Variants in ZC3H18 observed in about 807,000 individuals in gnomAD.
The protein encoded by ZC3H18 is zinc finger CCCH-type containing 18, also known as zinc finger CCCH domain-containing protein 18.
A neutral mutation model predicts 106.1 loss-of-function variants in ZC3H18; 8 were observed. That is an observed-to-expected ratio of 0.08 (90% confidence interval 0.04 to 0.14). ZC3H18 has a LOEUF of 0.14. Ranked by LOEUF, ZC3H18 falls within the 10% of genes least tolerant of loss-of-function variation. The pLI, the probability that ZC3H18 is intolerant of heterozygous loss-of-function variation, is 1.00. For missense variants in ZC3H18, 1,318 were observed against 1,278.4 expected, an observed-to-expected ratio of 1.03 and a Z score of -0.47; for synonymous variants, 635 against 522.1, an observed-to-expected ratio of 1.22 and a Z score of -2.95.
rs562706352 is a variant in ZC3H18, at chr16:88,577,149, G to A, written c.26G>A (p.Arg9Gln). ...ATGGATGTGGCCGAGAGCCCTGAAC[G>A]GGATCCTCACTCTCCAGAGGATGAA... MDVAESPE[R>Q]DPHSPEDEEQ... The change falls in exon 2 of 18, where the codon CGG becomes CAG. Residue 9 changes from arginine (R) to glutamine (Q), a missense_variant. Arg to Gln is a conservative substitution (Grantham distance 43). Transcript: ENST00000301011. 4.4e-6 allele frequency: 7 copies of A among 1,574,814 alleles called. No individual in the cohort carries two copies. The highest frequency in any genetic ancestry group is 1.8e-5 in the Admixed American group (1 of 55,230).
At chr16:88,602,101 G>T (rs182973996) in intron 6 of ZC3H18, among the ~76,000 whole-genome samples, 227 of 152,322 alleles carry the variant, frequency 1.5e-3, no homozygotes, top group African/African-American at 5.1e-3. Flanking sequence ...GGTGCGTGCT[G>T]TTGGCAGGAG....
rs1043147901 is a variant in ZC3H18 at position 88,622,154 on chromosome 16, G to T, written c.1476-43G>T. 4 of 1,578,270 alleles carry T rather than the reference G, an allele frequency of 2.5e-6. No individual in the cohort carries two copies. In the African/African-American group the frequency reaches 5.4e-5, roughly 21 times the overall value. On this transcript the variant is annotated intron_variant, in intron 8 of 17. Coordinates refer to ENST00000301011, the MANE Select transcript of ZC3H18 (RefSeq NM_144604.4). Reference sequence around the variant, plus strand: ...CTGTCACACCTGGCATTGCTGTGAAGCGGAAGGTGGCCTGAGAGTTGCTAA... The same window carrying T: ...CTGTCACACCTGGCATTGCTGTGAATCGGAAGGTGGCCTGAGAGTTGCTAA...
chr16:88,624,536 A>C (rs965484120), intron 11 of ZC3H18, 66 bp from the exon 12 acceptor site: 34 of 1,610,190 alleles, frequency 2.1e-5, no homozygotes, highest in Non-Finnish European at 2.2e-5. Flanking sequence ...GTCCATTGAA[A>C]GGGGATGTAG....
intron 2 of ZC3H18, among the ~76,000 whole-genome samples, chr16:88,580,808 G>A (rs905065430): frequency 5.9e-5 from 9 of 152,186 alleles, no homozygotes; most frequent in Non-Finnish European, 1.3e-4. Flanking sequence ...CAGCCTCTGC[G>A]TGTGGTGCAA....
At chr16:88,623,097 A>G in intron 9 of ZC3H18, 122 bp from the exon 10 acceptor site, 3 of 1,411,768 alleles carry the variant, frequency 2.1e-6, no homozygotes, top group Non-Finnish European at 9.5e-7. Context: ...GCGCGTGCGC[A>G]GCTGTGCGCT....
intron 3 of ZC3H18, among the ~76,000 whole-genome samples, chr16:88,590,564 C>CTTTTCTT (rs763732510): frequency 9.9e-6 from 1 of 100,672 alleles, no homozygotes; most frequent in Non-Finnish European, 1.9e-5. Context: ...TTCTTTATTT[C>CTTTTCTT]TTTTTTTTTT....
At chr16:88,601,960 G>A (rs1367335155) in intron 6 of ZC3H18, among the ~76,000 whole-genome samples, 2 of 152,202 alleles carry the variant, frequency 1.3e-5, no homozygotes, top group Admixed American at 6.5e-5. Context: ...GTCACAAAGA[G>A]CATCTAAGGG....
At position 88,577,601 on chromosome 16, in the gene ZC3H18, G is replaced by A. The variant is rs200378104; in HGVS notation, c.478G>A (p.Glu160Lys). ...GGCTGAGGATGATGAGGAGAAAGGC[G>A]AAGGCACTCCCAGGGAGGAGGGGAA... ...AGAEDDEEKG[E>K]GTPREEGKAG... Residue 160 changes from glutamate to lysine, a missense_variant, in exon 2 of 18, where the codon GAA (glutamate) becomes AAA (lysine). Coordinates refer to ENST00000301011, the MANE Select transcript of ZC3H18 (RefSeq NM_144604.4). The A allele has an allele frequency of 1.2e-5, 19 of 1,613,814 alleles. No homozygotes were observed. Among genetic ancestry groups the A allele is most frequent in the South Asian group, 8.8e-5 (8 of 91,070 alleles).
chr16:88,571,274 C>G (rs574522825), intron 1 of ZC3H18, among the ~76,000 whole-genome samples: 1 of 152,320 alleles, frequency 6.6e-6, no homozygotes, highest in South Asian at 2.1e-4. Context: ...TTTGTTCGAA[C>G]AACGCTAACT....
At chr16:88,575,578 C>A (rs1914697608) in intron 1 of ZC3H18, among the ~76,000 whole-genome samples, 1 of 152,060 alleles carries the variant, frequency 6.6e-6, no homozygotes, top group Non-Finnish European at 1.5e-5. Context: ...GTCTTAACAC[C>A]GTCCACTTTT....
Position 88,586,635 on chromosome 16 carries a change from C to A in ZC3H18, c.639C>A (p.Pro213=). 6.2e-7 allele frequency: 1 copy of A among 1,614,182 alleles called. No individual in the cohort carries two copies. The highest frequency in any genetic ancestry group is 2.2e-5 in the East Asian group (1 of 44,886). ...TGGAAGAAGGTGAAGTGAAGGACCC[C>A]AGTGACAGGAAGGTGAGGCCTCGTC... ...DDLEEGEVKD[P]SDRKVRPRPT... The change falls in exon 3 of 18, where the codon CCC becomes CCA. Residue 213 remains proline (P), a synonymous_variant. Coordinates refer to ENST00000301011, the MANE Select transcript of ZC3H18 (RefSeq NM_144604.4).
chr16:88,591,891 G>A (rs889162145), intron 3 of ZC3H18, among the ~76,000 whole-genome samples: 1 of 152,180 alleles, frequency 6.6e-6, no homozygotes, highest in Non-Finnish European at 1.5e-5. Flanking sequence ...CTGATGACCT[G>A]GTGGTTGTGT....
intron 1 of ZC3H18, among the ~76,000 whole-genome samples, chr16:88,574,503 CT>C (rs1914615813): frequency 1.3e-5 from 2 of 151,650 alleles, no homozygotes; most frequent in South Asian, 4.2e-4. Context: ...GCCACCACGC[CT>C]GGCCAGATTT....
intron 7 of ZC3H18, among the ~76,000 whole-genome samples, chr16:88,610,685 C>T (rs954470753): frequency 2.0e-5 from 3 of 152,158 alleles, no homozygotes; most frequent in Non-Finnish European, 4.4e-5. Flanking sequence ...TGAGTAAGAG[C>T]AGAGGAAAAG....
At chr16:88,621,013 C>T (rs1234043338) in intron 8 of ZC3H18, among the ~76,000 whole-genome samples, 3 of 151,790 alleles carry the variant, frequency 2.0e-5, no homozygotes, top group Admixed American at 1.3e-4. Flanking sequence ...ATTACAGGCA[C>T]GTGTTACCAC....
chr16:88,582,638 A>T (rs1255564971), intron 2 of ZC3H18, among the ~76,000 whole-genome samples: 2 of 152,158 alleles, frequency 1.3e-5, no homozygotes, highest in Non-Finnish European at 2.9e-5. Context: ...CACACTTGGA[A>T]AAAGGGCCCC....
At chr16:88,595,123 C>T (rs989456003) in intron 3 of ZC3H18, among the ~76,000 whole-genome samples, 55 of 152,286 alleles carry the variant, frequency 3.6e-4, no homozygotes, top group African/African-American at 1.2e-3. Flanking sequence ...TGCACTCCAG[C>T]CTGGGCAACA....
At position 88,605,041 on chromosome 16, in the gene ZC3H18, G is replaced by A. The variant is rs77534396; in HGVS notation, c.1089-3893G>A. Among the ~76,000 whole-genome samples, 391 of 152,350 alleles carry A rather than the reference G, an allele frequency of 2.6e-3. 1 individual carries two copies. Among genetic ancestry groups the A allele is most frequent in the African/African-American group, 8.8e-3 (364 of 41,570 alleles). ...GCTGGGATACAGAGGAAACAGAACA[G>A]TAATTTTCAAAAAGCACACTCCCTT... On this transcript the variant is annotated intron_variant, in intron 6 of 17. Transcript: ENST00000301011.
At chr16:88,630,303 C>T (rs537249717) in intron 16 of ZC3H18, 182 bp from the exon 17 acceptor site, 2 of 549,330 alleles carry the variant, frequency 3.6e-6, no homozygotes, top group African/African-American at 1.9e-5. Flanking sequence ...TTTCCAGATG[C>T]CTTGGTGCCC....
Sources: gnomAD v4.1 joint callset for allele counts (sites outside exome capture counted in the v4.1 genomes callset) on GRCh38, gnomAD v4.1.1 for gene constraint, MANE v1.5 for transcripts, NCBI Gene and HGNC (gene_info 2026-07-23, HGNC 2026-07-21) for gene names.